The following AKNAD1 variants were observed in gnomAD, a reference collection of about 807,000 sequenced individuals.
The protein encoded by AKNAD1 is protein AKNAD1.
A neutral mutation model predicts 90.8 loss-of-function variants in AKNAD1; 67 were observed. The ratio of observed to expected loss-of-function variants is 0.74; its 90% CI spans 0.61 to 0.90. The LOEUF (loss-of-function observed/expected upper bound fraction) is 0.90. Among genes scored for constraint, AKNAD1 ranks in the 40% least tolerant of loss-of-function variants. The pLI is 0.00. For synonymous variants in AKNAD1, 327 were observed against 341.4 expected (o/e 0.96, Z 0.46); for missense variants, 957 against 975.4 (o/e 0.98, Z 0.25).
rs111252541 is a variant in AKNAD1, at chr1:108,851,987, T to G, written c.678A>C (p.Lys226Asn). 1.9e-6 allele frequency: 3 copies of G among 1,614,038 alleles called. No homozygotes were observed. The highest frequency in any genetic ancestry group is 1.1e-5 in the South Asian group (1 of 91,082). The part of the protein sequence containing the change: ...TKTKGPGDKQ[K>N]SYQGQSPQKQ... ...TCTGGGGTGACTGCCCTTGATAACT[T>G]TTTTGTTTATCACCTGGACCCTTGG... is the stretch of plus-strand genomic sequence containing the variant. The change falls in exon 2 of 16, where the codon AAA becomes AAC. Residue 226 changes from lysine to asparagine, a missense_variant. Coordinates refer to ENST00000370001, the MANE Select transcript of AKNAD1 (RefSeq NM_152763.5).
chr1:108,856,705 C>CAA (rs1665052772), intron 1 of AKNAD1, among the ~76,000 whole-genome samples: 1 of 149,200 alleles, frequency 6.7e-6, no homozygotes, highest in African/African-American at 2.5e-5. Flanking sequence ...GACCCTGTCT[C>CAA]TCTCTCTCTC....
In AKNAD1 at chr1:108,827,271, T is replaced by C; in HGVS notation, c.1870A>G (p.Arg624Gly). 6.2e-7 allele frequency: 1 copy of C among 1,611,860 alleles called. No individual in the cohort carries two copies. The highest frequency in any genetic ancestry group is 2.3e-5 in the East Asian group (1 of 44,114). The part of the protein sequence containing the change: ...KQNVEKKGHG[R>G]INCGRFSIVL... ...ATTGAAAATCTTCCACAGTTGATCCTTCCGTGGCCCTTTTTCTCCACGTTT... is the reference window on the plus strand; with the variant it reads ...ATTGAAAATCTTCCACAGTTGATCCCTCCGTGGCCCTTTTTCTCCACGTTT... Residue 624 changes from arginine (R) to glycine (G), a missense_variant, in exon 11 of 16, where the codon AGG (arginine) becomes GGG (glycine). Arg to Gly is a moderately radical substitution (Grantham distance 125, BLOSUM62 -2). Transcript: ENST00000370001.
intron 13 of AKNAD1, 125 bp downstream of exon 13, chr1:108,823,245 C>G (rs768815805): frequency 1.3e-6 from 1 of 795,984 alleles, no homozygotes; most frequent in South Asian, 1.4e-5. Flanking sequence ...TGCACAAGAC[C>G]TGGGCAGCAA....
Position 108,817,111 on chromosome 1 carries a change from G to A in AKNAD1, c.2316C>T (p.Ser772=). ...AGGATTTGCTTCCAGAAATCCTGCA[G>A]GAGTAGAAATGGGGTGAGGGTGTTG... ...DPATPSPHFY[S]CRISGSKSLC... is the part of the protein sequence containing the mutation. The change falls in exon 15 of 16, where the codon TCC becomes TCT. Residue 772 remains serine (S), a synonymous_variant. Transcript: ENST00000370001. 6.2e-7 allele frequency: 1 copy of A among 1,614,174 alleles called. No homozygotes were observed. Among genetic ancestry groups the A allele is most frequent in the Non-Finnish European group, 8.5e-7 (1 of 1,180,018 alleles).
chr1:108,845,200 G>A (rs1294445787), intron 5 of AKNAD1, among the ~76,000 whole-genome samples: 3 of 152,214 alleles, frequency 2.0e-5, no homozygotes, highest in Admixed American at 2.0e-4. Flanking sequence ...GGCAGGTGTG[G>A]CAGATGTTTT....
At position 108,823,419 on chromosome 1, in the gene AKNAD1, AC is replaced by A. The variant is rs772708881; in HGVS notation, c.2117del (p.Gly706ValfsTer9). 3 of 1,614,004 alleles carry A rather than the reference AC, an allele frequency of 1.9e-6. No individual in the cohort carries two copies. In the African/African-American group the frequency reaches 4.0e-5, roughly 22 times the overall value. On this transcript the variant is annotated frameshift_variant, in exon 13 of 16. Transcript: ENST00000370001. LOFTEE classifies it high-confidence loss of function. ...GQNYSNHSKR[G>X]AFVQPHSLDE... ...CTAAAGAATGGGGCTGGACAAAGGC[AC>A]CTCTTTTGCTATGATTTGAGTAATT...
intron 6 of AKNAD1, among the ~76,000 whole-genome samples, chr1:108,840,580 A>C (rs996553277): frequency 6.6e-6 from 1 of 152,230 alleles, no homozygotes; most frequent in African/African-American, 2.4e-5. Context: ...AAATTTTAAA[A>C]AGAAGAAACA....
At chr1:108,834,863 G>C (rs1242062553) in intron 8 of AKNAD1, 66 bp downstream of exon 8, 1 of 1,493,166 alleles carries the variant, frequency 6.7e-7, no homozygotes, top group East Asian at 2.5e-5. Flanking sequence ...CCTTCCTGGA[G>C]GCTGCATGAG....
chr1:108,850,307 C>T (rs1246623085), intron 2 of AKNAD1, among the ~76,000 whole-genome samples: 1 of 152,070 alleles, frequency 6.6e-6, no homozygotes, highest in African/African-American at 2.4e-5. Flanking sequence ...TCCAATTCTC[C>T]AATCTGAATT....
At position 108,816,132 on chromosome 1, in the gene AKNAD1, C is replaced by CT. The variant is rs761192326; in HGVS notation, c.*38_*39insA. On this transcript the variant is annotated 3_prime_UTR_variant, in exon 16 of 16. Coordinates refer to ENST00000370001, the MANE Select transcript of AKNAD1 (RefSeq NM_152763.5). ...TTGGGGGAAGATCAAGTTTTCTTTG[C>CT]ATTTTTTTCTTTTGAATCCTTGGTA... 9.6e-6 allele frequency: 13 copies of CT among 1,354,808 alleles called. No individual in the cohort carries two copies. In the South Asian group the frequency reaches 1.7e-4, roughly 18 times the overall value. 83.9% of individuals were successfully genotyped at this position (1,354,808 alleles called of 1,614,324 possible).
chr1:108,823,095 T>C (rs1377647572), intron 13 of AKNAD1: 4 of 664,250 alleles, frequency 6.0e-6, no homozygotes, highest in African/African-American at 3.6e-5. Flanking sequence ...CAGCAAACAT[T>C]TATGGGTTGC....
intron 2 of AKNAD1, 54 bp downstream of exon 2, chr1:108,851,618 A>T: frequency 6.8e-7 from 1 of 1,479,304 alleles, no homozygotes; most frequent in Non-Finnish European, 9.0e-7. Flanking sequence ...CCCACACTGA[A>T]AGAGATAAGC....
chr1:108,816,380 A>T, intron 15 of AKNAD1, 78 bp from the exon 16 acceptor site: 2 of 1,461,958 alleles, frequency 1.4e-6, no homozygotes, highest in South Asian at 2.8e-5. Context: ...TCATTATTAA[A>T]CATTACAAGG....
At position 108,852,397 on chromosome 1, in the gene AKNAD1, G is replaced by T; in HGVS notation, c.268C>A (p.Gln90Lys). Residue 90 changes from glutamine to lysine, a missense_variant, in exon 2 of 16, where the codon CAA becomes AAA. Gln to Lys is a moderately conservative substitution (Grantham distance 53). Coordinates refer to ENST00000370001, the MANE Select transcript of AKNAD1 (RefSeq NM_152763.5). ...GGAATATGAAGAGCTGCAGTGCATTGTTTCTCTTTCTCGTCTTTTTTGTTG... is the reference window on the plus strand; with the variant it reads ...GGAATATGAAGAGCTGCAGTGCATTTTTTCTCTTTCTCGTCTTTTTTGTTG... ...AANKKDEKEK[Q>K]CTAALHIPAN... 6.2e-7 allele frequency: 1 copy of T among 1,613,856 alleles called. No individual in the cohort carries two copies. Among genetic ancestry groups the T allele is most frequent in the Non-Finnish European group, 8.5e-7 (1 of 1,179,948 alleles).
chr1:108,841,337 T>G (rs1391889577), intron 6 of AKNAD1, among the ~76,000 whole-genome samples: 1 of 152,076 alleles, frequency 6.6e-6, no homozygotes, highest in South Asian at 2.1e-4. Flanking sequence ...GATTTGGAGA[T>G]AGAAGAGACA....
At chr1:108,833,647 C>G (rs781603561) in intron 9 of AKNAD1, among the ~76,000 whole-genome samples, 2 of 149,532 alleles carry the variant, frequency 1.3e-5, no homozygotes, top group Non-Finnish European at 3.0e-5. Flanking sequence ...TCTTTATTTT[C>G]TCATTTCTCT....
intron 13 of AKNAD1, chr1:108,823,129 C>G: frequency 2.8e-6 from 2 of 708,954 alleles, no homozygotes; most frequent in Non-Finnish European, 5.2e-6. Context: ...TGGTGTAGCC[C>G]TTAATAACTT....
rs1435088443 is a variant in AKNAD1 at position 108,851,964 on chromosome 1, TG to T, written c.700del (p.Gln234ArgfsTer35). The T allele has an allele frequency of 1.2e-6, 2 of 1,614,250 alleles. No individual in the cohort carries two copies. The highest frequency in any genetic ancestry group is 1.7e-6 in the Non-Finnish European group (2 of 1,180,038). On this transcript the variant is annotated frameshift_variant, in exon 2 of 16. Coordinates refer to ENST00000370001, the MANE Select transcript of AKNAD1 (RefSeq NM_152763.5). LOFTEE classifies it high-confidence loss of function. ...KQKSYQGQSPQKQQTEKANSG... is the reference protein window; with the variant it reads ...KQKSYQGQSPXKQQTEKANSG... ...ATTTGCTTTTTCAGTCTGCTGTTTC[TG>T]GGGTGACTGCCCTTGATAACTTTTT... is the stretch of plus-strand genomic sequence containing the variant.
At chr1:108,825,924 T>C (rs959922411) in intron 11 of AKNAD1, among the ~76,000 whole-genome samples, 2 of 151,702 alleles carry the variant, frequency 1.3e-5, no homozygotes, top group African/African-American at 4.8e-5. Context: ...TTTTGGCAAA[T>C]ATCTTGAATA....
Sources: gnomAD v4.1 joint callset for allele counts (sites outside exome capture counted in the v4.1 genomes callset) on GRCh38, gnomAD v4.1.1 for gene constraint, MANE v1.5 for transcripts, NCBI Gene and HGNC (gene_info 2026-07-23, HGNC 2026-07-21) for gene names.